FRMD5: variants seen among roughly 807,000 people sequenced by gnomAD.
FRMD5 encodes FERM domain containing 5, also known as FERM domain-containing protein 5.
In FRMD5, 20 loss-of-function variants were observed where a neutral mutation model predicts 69.0. The ratio of observed to expected loss-of-function variants is 0.29; its 90% CI spans 0.20 to 0.42. The LOEUF (loss-of-function observed/expected upper bound fraction) is 0.42, where lower values mean the gene tolerates loss of function less well. Among genes scored for constraint, FRMD5 ranks in the 10% least tolerant of loss-of-function variants. FRMD5 has a pLI of 1.00. For missense variants in FRMD5, 595 were observed against 708.6 expected (o/e 0.84, Z 1.82); for synonymous variants, 271 against 260.1 (o/e 1.04, Z -0.40).
At chr15:43,951,371 A>G (rs527254229) in intron 1 of FRMD5, among the ~76,000 whole-genome samples, 6 of 151,762 alleles carry the variant, frequency 4.0e-5, no homozygotes, top group South Asian at 2.1e-4. Flanking sequence ...GCAGTGAGCC[A>G]AGATCGCGCC....
chr15:44,133,375 G>A (rs1371551232), intron 1 of FRMD5, among the ~76,000 whole-genome samples: 1 of 151,822 alleles, frequency 6.6e-6, no homozygotes, highest in Admixed American at 6.6e-5. Flanking sequence ...AGGAGATCGA[G>A]ACCATCCTGG....
chr15:43,875,805 T>G (rs937562885), intron 13 of FRMD5: 2 of 121,636 alleles, frequency 1.6e-5, no homozygotes, highest in Non-Finnish European at 2.9e-5. Flanking sequence ...CTGGGCCTAG[T>G]TTTTTTTTTT....
At chr15:44,161,917 G>A (rs2077622346) in intron 1 of FRMD5, among the ~76,000 whole-genome samples, 1 of 152,098 alleles carries the variant, frequency 6.6e-6, no homozygotes. Context: ...CCCTTCTTGG[G>A]ATTTTTAGGT....
chr15:44,106,841 C>A (rs996893250), intron 1 of FRMD5, among the ~76,000 whole-genome samples: 1 of 152,190 alleles, frequency 6.6e-6, no homozygotes, highest in African/African-American at 2.4e-5. Context: ...TGATGAAATA[C>A]ATTAGCCATT....
chr15:43,984,515 C>T (rs1038662926), intron 1 of FRMD5, among the ~76,000 whole-genome samples: 1 of 152,234 alleles, frequency 6.6e-6, no homozygotes, highest in African/African-American at 2.4e-5. Flanking sequence ...ACTACCTCAA[C>T]AATCCTTGTC....
intron 1 of FRMD5, among the ~76,000 whole-genome samples, chr15:44,047,321 G>A (rs1266823393): frequency 2.0e-5 from 3 of 151,760 alleles, no homozygotes; most frequent in Non-Finnish European, 4.4e-5. Context: ...AAGAGGGGAG[G>A]GGAGAGGAGG....
At position 43,872,664 on chromosome 15, in the gene FRMD5, AT is replaced by A. The variant is rs2088191745; in HGVS notation, c.*1220del. ...AAGTGTTGGTCTCTGCCACGGTCAC[AT>A]TCTGTGTTTTGTAGGCATCTCTTAG... On this transcript the variant is annotated 3_prime_UTR_variant, in exon 14 of 14. Coordinates refer to ENST00000417257, the MANE Select transcript of FRMD5 (RefSeq NM_032892.5). 1 of 154,616 alleles carries A rather than the reference AT, an allele frequency of 6.5e-6. No individual in the cohort carries two copies. Among genetic ancestry groups the A allele is most frequent in the Non-Finnish European group, 1.4e-5 (1 of 69,674 alleles). The allele number at this position is 154,616 out of a possible 1,614,324, so 9.6% of individuals were successfully genotyped here.
chr15:44,017,226 T>G (rs1891004649), intron 1 of FRMD5, among the ~76,000 whole-genome samples: 1 of 151,706 alleles, frequency 6.6e-6, no homozygotes, highest in Admixed American at 6.6e-5. Flanking sequence ...TAGTCTCAGC[T>G]ACTGGGGAGG....
chr15:44,156,136 A>T (rs1203963718), intron 1 of FRMD5, among the ~76,000 whole-genome samples: 1 of 151,968 alleles, frequency 6.6e-6, no homozygotes, highest in Non-Finnish European at 1.5e-5. Context: ...AGTGAAAAAT[A>T]AAAAATGACA....
intron 1 of FRMD5, among the ~76,000 whole-genome samples, chr15:44,158,462 AAC>A (rs765967787): frequency 4.6e-5 from 7 of 152,158 alleles, no homozygotes; most frequent in Non-Finnish European, 4.4e-5. Flanking sequence ...TGACAAATAA[AAC>A]AGTCTTGGAA....
intron 7 of FRMD5, among the ~76,000 whole-genome samples, chr15:43,899,903 T>A (rs540927418): frequency 6.6e-6 from 1 of 152,202 alleles, no homozygotes; most frequent in East Asian, 1.9e-4. Flanking sequence ...TGGGCAACGG[T>A]GGAGAATCCC....
rs1243572126 is a variant in FRMD5 at position 43,884,107 on chromosome 15, G to A, written c.1029-298C>T. 1.3e-5 allele frequency among the ~76,000 whole-genome samples: 2 copies of A among 152,106 alleles called. 1 individual carries two copies. The highest frequency in any genetic ancestry group is 1.3e-4 in the Admixed American group (2 of 15,268). On this transcript the variant is annotated intron_variant, in intron 12 of 13. Transcript: ENST00000417257. ...AGACTGTCAGAGAGTAGAGCCCCAG[G>A]ATGAGCAGTACTCCTGAAAATATGC...
At chr15:44,081,835 T>C (rs1474155489) in intron 1 of FRMD5, among the ~76,000 whole-genome samples, 2 of 151,914 alleles carry the variant, frequency 1.3e-5, no homozygotes, top group African/African-American at 2.4e-5. Context: ...ATAATGGAAA[T>C]AGTGAAAATT....
chr15:44,162,808 G>A (rs976077674), intron 1 of FRMD5, among the ~76,000 whole-genome samples: 2 of 149,410 alleles, frequency 1.3e-5, no homozygotes, highest in African/African-American at 2.5e-5. Flanking sequence ...CAGAGGTTGC[G>A]GTGAGCCAAG....
At chr15:44,011,607 A>C (rs75916445) in intron 1 of FRMD5, among the ~76,000 whole-genome samples, 3,150 of 152,290 alleles carry the variant, frequency 0.021, 116 homozygotes, top group African/African-American at 0.072. Context: ...TGAGACTATT[A>C]TGCATACAAA....
At chr15:44,197,091 C>A (rs182588488), upstream of FRMD5, among the ~76,000 whole-genome samples, 1 of 152,002 alleles carries the variant, frequency 6.6e-6, no homozygotes, top group African/African-American at 2.4e-5. Flanking sequence ...GTCCCAGCTA[C>A]TGGGGAGGCT....
At chr15:44,025,515 G>A (rs1891394460) in intron 1 of FRMD5, among the ~76,000 whole-genome samples, 2 of 152,128 alleles carry the variant, frequency 1.3e-5, no homozygotes, top group African/African-American at 4.8e-5. Flanking sequence ...CCAAAGTATA[G>A]GAACAACTGA....
intron 7 of FRMD5, among the ~76,000 whole-genome samples, chr15:43,897,267 C>A (rs1270509847): frequency 6.6e-6 from 1 of 151,940 alleles, no homozygotes; most frequent in Non-Finnish European, 1.5e-5. Context: ...GCGGGCAGAT[C>A]ACCTGAGGTC....
At position 44,045,131 on chromosome 15, in the gene FRMD5, A is replaced by G. The variant is rs527287717; in HGVS notation, c.103-120822T>C. Among the ~76,000 whole-genome samples, 29 of 152,354 alleles carry G rather than the reference A, an allele frequency of 1.9e-4. No individual in the cohort carries two copies. In the South Asian group the frequency reaches 6.0e-3, roughly 32 times the overall value. ...TAATCTGACTCTCCTTCCTACACTC[A>G]CAAGTTAGTGGGAAAAAATAACTAA... On this transcript the variant is annotated intron_variant, in intron 1 of 13. Transcript: ENST00000417257.
Sources: gnomAD v4.1 joint callset for allele counts (sites outside exome capture counted in the v4.1 genomes callset) on GRCh38, gnomAD v4.1.1 for gene constraint, MANE v1.5 for transcripts, NCBI Gene and HGNC (gene_info 2026-07-23, HGNC 2026-07-21) for gene names.